FAT4: variants seen among roughly 807,000 people sequenced by gnomAD.
The protein encoded by FAT4 is protocadherin Fat 4.
In FAT4, 84 loss-of-function variants were observed where a neutral mutation model predicts 303.9. That is an observed-to-expected ratio of 0.28 (90% confidence interval 0.23 to 0.33). The LOEUF (loss-of-function observed/expected upper bound fraction) is 0.33. FAT4 is among the 10% of genes least tolerant of loss of function. The pLI, the probability that FAT4 is intolerant of heterozygous loss-of-function variation, is 1.00. For missense variants in FAT4, 6,005 were observed against 6,146.8 expected, an observed-to-expected ratio of 0.98 and a Z score of 0.77; for synonymous variants, 2,307 against 2,298.8, an observed-to-expected ratio of 1.00 and a Z score of -0.10.
intron 7 of FAT4, among the ~76,000 whole-genome samples, chr4:125,417,462 G>A (rs894113416): frequency 6.6e-6 from 1 of 152,000 alleles, no homozygotes; most frequent in African/African-American, 2.4e-5. Flanking sequence ...CAGGGTCAGG[G>A]GGAAACCAGG....
At chr4:125,355,971 G>A (rs1308652049) in intron 2 of FAT4, among the ~76,000 whole-genome samples, 2 of 151,974 alleles carry the variant, frequency 1.3e-5, no homozygotes, top group Non-Finnish European at 2.9e-5. Context: ...TAGCAGCCCT[G>A]CTGTTTGGAT....
chr4:125,430,873 C>A (rs1725260756), intron 7 of FAT4, among the ~76,000 whole-genome samples: 1 of 152,140 alleles, frequency 6.6e-6, no homozygotes, highest in Non-Finnish European at 1.5e-5. Flanking sequence ...GATCCTCAAG[C>A]CAGAATTGTC....
intron 12 of FAT4, among the ~76,000 whole-genome samples, chr4:125,473,892 C>T (rs1282676411): frequency 6.6e-6 from 1 of 151,984 alleles, no homozygotes; most frequent in Admixed American, 6.6e-5. Flanking sequence ...AAATGTCTTC[C>T]TGTTTCAGAA....
chr4:125,448,567 A>C lies in FAT4; in HGVS notation c.7557A>C (p.Pro2519=), dbSNP rs1321725270. The change falls in exon 10 of 18, where the codon CCA becomes CCC. Residue 2519 remains proline, a synonymous_variant. Transcript: ENST00000394329. ...ATTCTGAAAAATTTCACATTGACCCACTGAGGGGAGCCATTATGGCCGCCG... is the reference window on the plus strand; with the variant it reads ...ATTCTGAAAAATTTCACATTGACCCCCTGAGGGGAGCCATTATGGCCGCCG... The part of the protein sequence containing the change: ...GRNSEKFHID[P]LRGAIMAAGP... The C allele has an allele frequency of 5.6e-6, 9 of 1,614,004 alleles. No individual in the cohort carries two copies. Among genetic ancestry groups the C allele is most frequent in the Admixed American group, 3.3e-5 (2 of 59,996 alleles).
chr4:125,386,028 A>G (rs1232438330), intron 2 of FAT4, among the ~76,000 whole-genome samples: 1 of 152,104 alleles, frequency 6.6e-6, no homozygotes, highest in Non-Finnish European at 1.5e-5. Context: ...TTTAACTCTG[A>G]TGATCATCAG....
chr4:125,319,163 G>A lies in FAT4; in HGVS notation c.2752G>A (p.Val918Met). 4 of 1,614,172 alleles carry A rather than the reference G, an allele frequency of 2.5e-6. No individual in the cohort carries two copies. The highest frequency in any genetic ancestry group is 2.2e-5 in the South Asian group (2 of 91,066). ...AGHSIFQAKA[V>M]DPDEGVNGMV... ...TCACAGCATTTTCCAGGCCAAAGCT[G>A]TGGACCCTGATGAAGGTGTCAATGG... is the stretch of plus-strand genomic sequence containing the variant. The change falls in exon 2 of 18, where the codon GTG becomes ATG. Residue 918 changes from valine (V) to methionine (M), a missense_variant. Physicochemically the swap from Val to Met is conservative, Grantham distance 21 (BLOSUM62 1). Transcript: ENST00000394329.
chr4:125,449,373 C>T lies in FAT4; in HGVS notation c.8363C>T (p.Pro2788Leu), dbSNP rs267600011. 3.1e-6 allele frequency: 5 copies of T among 1,613,686 alleles called. No individual in the cohort carries two copies. The highest frequency in any genetic ancestry group is 4.2e-6 in the Non-Finnish European group (5 of 1,179,850). Reference sequence around the variant, plus strand: ...AGTGCCCATGTTCCTGAAAATTCCCCCTTAGGATACACAGTTACCCGTGTC... The same window carrying T: ...AGTGCCCATGTTCCTGAAAATTCCCTCTTAGGATACACAGTTACCCGTGTC... ...IFSAHVPENS[P>L]LGYTVTRVTT... Residue 2788 changes from proline (P) to leucine (L), a missense_variant, in exon 10 of 18, where the codon CCC becomes CTC. Coordinates refer to ENST00000394329, the MANE Select transcript of FAT4 (RefSeq NM_001291303.3).
rs778581028 is a variant in FAT4 at position 125,490,187 on chromosome 4, C to T, written c.13371C>T (p.Asp4457=). The T allele has an allele frequency of 3.7e-6, 6 of 1,614,136 alleles. No individual in the cohort carries two copies. The South Asian group carries it at 6.6e-5, about 18-fold the overall frequency. The change falls in exon 18 of 18, where the codon GAC becomes GAT. Residue 4457 remains aspartate (D), a synonymous_variant. Transcript: ENST00000394329. The part of the protein sequence containing the change: ...LHSGFTCSCP[D]SHTGRTCEMV... ...CCGGCTTCACCTGTAGCTGCCCAGACTCGCACACGGGAAGGACCTGTGAGA... is the reference window on the plus strand; with the variant it reads ...CCGGCTTCACCTGTAGCTGCCCAGATTCGCACACGGGAAGGACCTGTGAGA...
chr4:125,343,109 T>C (rs1731859696), intron 2 of FAT4, among the ~76,000 whole-genome samples: 1 of 152,154 alleles, frequency 6.6e-6, no homozygotes, highest in African/African-American at 2.4e-5. Flanking sequence ...CATATTCATA[T>C]TCATATATTT....
rs1730579645 is a variant in FAT4, at chr4:125,316,235, AG to A, written c.-12-164del. Among the ~76,000 whole-genome samples the A allele has an allele frequency of 6.6e-6, 1 of 152,116 alleles. No homozygotes were observed. Among genetic ancestry groups the A allele is most frequent in the South Asian group, 2.1e-4 (1 of 4,822 alleles). ...GCACTCCGCGTTCAACTGGCTACCTAGAGTCTTTTGCTGATGCTACTTGCTT... is the reference window on the plus strand; with the variant it reads ...GCACTCCGCGTTCAACTGGCTACCTAAGTCTTTTGCTGATGCTACTTGCTT... On this transcript the variant is annotated intron_variant, in intron 1 of 17. Coordinates refer to ENST00000394329, the MANE Select transcript of FAT4 (RefSeq NM_001291303.3). This position sits in a 1 kb window ranked among gnomAD's most constrained non-coding sequence, Gnocchi z 5.7.
Position 125,316,521 on chromosome 4 carries a change from A to G in FAT4, c.110A>G (p.Gln37Arg). 1 of 1,613,952 alleles carries G rather than the reference A, an allele frequency of 6.2e-7. No individual in the cohort carries two copies. The highest frequency in any genetic ancestry group is 8.5e-7 in the Non-Finnish European group (1 of 1,180,028). ...VFWLLSLLPG[Q>R]AWVHGAEPRQ... ...TGGCTACTGTCATTGCTTCCGGGGC[A>G]GGCCTGGGTCCACGGGGCCGAGCCG... Residue 37 changes from glutamine (Q) to arginine (R), a missense_variant, in exon 2 of 18, where the codon CAG (glutamine) becomes CGG (arginine). Physicochemically the swap from Gln to Arg is conservative, Grantham distance 43. Coordinates refer to ENST00000394329, the MANE Select transcript of FAT4 (RefSeq NM_001291303.3). This position sits in a 1 kb window ranked among gnomAD's most constrained non-coding sequence, Gnocchi z 5.7.
At chr4:125,385,573 A>G (rs1733716524) in intron 2 of FAT4, among the ~76,000 whole-genome samples, 1 of 152,166 alleles carries the variant, frequency 6.6e-6, no homozygotes, top group African/African-American at 2.4e-5. Flanking sequence ...GGATACTTTG[A>G]AATTATAGAT....
At chr4:125,427,942 T>C (rs774301405) in intron 7 of FAT4, among the ~76,000 whole-genome samples, 2 of 152,192 alleles carry the variant, frequency 1.3e-5, no homozygotes, top group Admixed American at 1.3e-4. Flanking sequence ...TTCATTACAC[T>C]TATTATCTGT....
intron 2 of FAT4, among the ~76,000 whole-genome samples, chr4:125,321,866 GA>G (rs891979714): frequency 2.6e-5 from 4 of 152,086 alleles, no homozygotes; most frequent in East Asian, 1.9e-4. Context: ...TTTCAGAGGG[GA>G]AAAAATCCAT....
In FAT4 at chr4:125,317,916, G is replaced by A. The variant is rs1344858431; in HGVS notation, c.1505G>A (p.Gly502Asp). The stretch of plus-strand genomic sequence containing the variant: ...GTGAGTGGGATATCTGCCACTGATG[G>A]CGACTCTGGTCTCAATGCTAATCTG... ...SYVSGISATD[G>D]DSGLNANLRY... The change falls in exon 2 of 18, where the codon GGC becomes GAC. Residue 502 changes from glycine (G) to aspartate (D), a missense_variant. Gly to Asp is a moderately conservative substitution (Grantham distance 94). Transcript: ENST00000394329. The surrounding 1 kb of genome is among the most constrained non-coding windows in gnomAD (Gnocchi z 7.0). 4 of 1,614,030 alleles carry A rather than the reference G, an allele frequency of 2.5e-6. No individual in the cohort carries two copies. Among genetic ancestry groups the A allele is most frequent in the Non-Finnish European group, 2.5e-6 (3 of 1,180,024 alleles).
At chr4:125,389,018 A>G (rs909554097) in intron 2 of FAT4, among the ~76,000 whole-genome samples, 6 of 152,178 alleles carry the variant, frequency 3.9e-5, no homozygotes, top group African/African-American at 9.6e-5. Flanking sequence ...TTTGAGAAAT[A>G]TAATTGGTCA....
At chr4:125,438,410 G>A (rs540949096) in intron 8 of FAT4, among the ~76,000 whole-genome samples, 109 of 152,178 alleles carry the variant, frequency 7.2e-4, no homozygotes, top group South Asian at 7.0e-3. Context: ...AAGCTGTACT[G>A]GTAGGTCTGA....
chr4:125,439,821 T>C (rs1050335249), intron 8 of FAT4, among the ~76,000 whole-genome samples: 14 of 152,194 alleles, frequency 9.2e-5, no homozygotes, highest in Admixed American at 8.5e-4. Flanking sequence ...GCTCAGAATT[T>C]CTGTTGAATT....
At chr4:125,326,949 C>T (rs1246437486) in intron 2 of FAT4, among the ~76,000 whole-genome samples, 2 of 152,150 alleles carry the variant, frequency 1.3e-5, no homozygotes, top group Non-Finnish European at 2.9e-5. Flanking sequence ...CACTCAAACC[C>T]TGGGAGCAGA....
Sources: allele counts gnomAD v4.1 joint callset (sites outside exome capture counted in the v4.1 genomes callset), GRCh38; gene constraint gnomAD v4.1.1; non-coding constraint Gnocchi (gnomAD v3.1); transcripts MANE v1.5; gene names NCBI Gene and HGNC (gene_info 2026-07-23, HGNC 2026-07-21).